The following L3MBTL4 variants were observed in gnomAD, a reference collection of about 807,000 sequenced individuals.
L3MBTL4 encodes the protein L3MBTL histone methyl-lysine binding protein 4.
A neutral mutation model predicts 84.5 loss-of-function variants in L3MBTL4; 70 were observed. The ratio of observed to expected loss-of-function variants is 0.83; its 90% CI spans 0.68 to 1.01. The LOEUF (loss-of-function observed/expected upper bound fraction) is 1.01, where lower values mean the gene tolerates loss of function less well. Among genes scored for constraint, L3MBTL4 ranks in the 50% least tolerant of loss-of-function variants. The pLI, the probability that L3MBTL4 is intolerant of heterozygous loss-of-function variation, is 0.00. For missense variants in L3MBTL4, 715 were observed against 754.8 expected (o/e 0.95, Z 0.62); for synonymous variants, 274 against 259.8 (o/e 1.05, Z -0.52).
chr18:6,032,413 C>T lies in L3MBTL4; in HGVS notation c.1444+48468G>A, dbSNP rs115410820. On this transcript the variant is annotated intron_variant, in intron 16 of 18. Transcript: ENST00000317931. Reference sequence around the variant, plus strand: ...ACACACACACACACACACACACACACACAATCTGCATCAAAATAATACAGG... The same window carrying T: ...ACACACACACACACACACACACACATACAATCTGCATCAAAATAATACAGG... 1,409 of 639,962 alleles carry T rather than the reference C, an allele frequency of 2.2e-3. 16 individuals carry two copies. The African/African-American group carries it at 0.026, about 12-fold the overall frequency. The allele number at this position is 639,962 out of a possible 1,614,324, so 39.6% of individuals were successfully genotyped here.
intron 12 of L3MBTL4, among the ~76,000 whole-genome samples, chr18:6,172,680 G>A (rs2044034318): frequency 6.6e-6 from 1 of 151,660 alleles, no homozygotes; most frequent in Admixed American, 6.6e-5. Flanking sequence ...ACACATATAA[G>A]AATAATTAAA....
intron 14 of L3MBTL4, among the ~76,000 whole-genome samples, chr18:6,118,359 A>G (rs1173816304): frequency 3.3e-5 from 5 of 152,092 alleles, no homozygotes; most frequent in African/African-American, 4.8e-5. Context: ...TTTTCTGGAA[A>G]TTCCTCAACT....
chr18:6,165,525 T>A (rs113990820), intron 13 of L3MBTL4, among the ~76,000 whole-genome samples: 5,526 of 151,616 alleles, frequency 0.036, 347 homozygotes, highest in African/African-American at 0.13. Flanking sequence ...GGGGCCAATA[T>A]TCAACATTCT....
At chr18:6,114,019 C>G (rs536030716) in intron 14 of L3MBTL4, among the ~76,000 whole-genome samples, 16 of 152,340 alleles carry the variant, frequency 1.1e-4, no homozygotes, top group African/African-American at 3.8e-4. Flanking sequence ...TGAGCACCTA[C>G]TTGATGCCAA....
At chr18:5,967,307 G>T (rs2052403263) in intron 17 of L3MBTL4, among the ~76,000 whole-genome samples, 1 of 152,188 alleles carries the variant, frequency 6.6e-6, no homozygotes, top group Admixed American at 6.5e-5. Context: ...TCGTCTCTGG[G>T]TATCTCAACT....
intron 2 of L3MBTL4, 98 bp from the exon 3 acceptor site, chr18:6,311,754 AGTT>A: frequency 1.4e-6 from 1 of 714,366 alleles, no homozygotes. Context: ...TACTTCTCAT[AGTT>A]GGTTACTATA....
chr18:6,031,242 G>A (rs899133744), intron 16 of L3MBTL4: 6 of 985,426 alleles, frequency 6.1e-6, no homozygotes, highest in Non-Finnish European at 7.2e-6. Context: ...GATTTTGTGA[G>A]CTGATATATC....
At chr18:6,232,752 G>A (rs1398368311) in intron 10 of L3MBTL4, among the ~76,000 whole-genome samples, 4 of 151,228 alleles carry the variant, frequency 2.6e-5, no homozygotes, top group African/African-American at 9.7e-5. Context: ...ATTGTTATCA[G>A]AAGAAAAAAA....
At chr18:6,325,711 T>C (rs1227821199) in intron 1 of L3MBTL4, among the ~76,000 whole-genome samples, 2 of 152,214 alleles carry the variant, frequency 1.3e-5, no homozygotes, top group African/African-American at 2.4e-5. Flanking sequence ...GGTGGCTTTA[T>C]AGATATACAT....
At chr18:6,132,519 T>G (rs1183856313) in intron 14 of L3MBTL4, among the ~76,000 whole-genome samples, 1 of 152,200 alleles carries the variant, frequency 6.6e-6, no homozygotes, top group African/African-American at 2.4e-5. Context: ...GCCTGCTGTC[T>G]CCCTAAAAAT....
intron 8 of L3MBTL4, 121 bp downstream of exon 8, chr18:6,241,237 A>G (rs2047436581): frequency 1.5e-6 from 1 of 659,492 alleles, no homozygotes; most frequent in African/African-American, 1.9e-5. Context: ...GAGAAAAGTG[A>G]CAGGAAGTTA....
intron 16 of L3MBTL4, among the ~76,000 whole-genome samples, chr18:6,013,582 C>T (rs149875623): frequency 6.6e-6 from 1 of 152,326 alleles, no homozygotes; most frequent in Non-Finnish European, 1.5e-5. Flanking sequence ...CCAGTGAACG[C>T]CTAAGTTCCT....
At chr18:6,310,460 A>C (rs993597805) in intron 3 of L3MBTL4, among the ~76,000 whole-genome samples, 1 of 152,168 alleles carries the variant, frequency 6.6e-6, no homozygotes, top group African/African-American at 2.4e-5. Flanking sequence ...TCTTGAAACC[A>C]ACCTCAAACC....
At chr18:6,363,168 G>A (rs900147673) in intron 1 of L3MBTL4, among the ~76,000 whole-genome samples, 27 of 152,172 alleles carry the variant, frequency 1.8e-4, no homozygotes, top group Non-Finnish European at 3.8e-4. Flanking sequence ...AAACGGTCAA[G>A]TCTCCGTTTC....
chr18:6,400,005 G>C (rs1293851261), intron 1 of L3MBTL4, among the ~76,000 whole-genome samples: 1 of 152,076 alleles, frequency 6.6e-6, no homozygotes, highest in Non-Finnish European at 1.5e-5. Flanking sequence ...TAAAAAAAAA[G>C]AGGAAGAACT....
intron 16 of L3MBTL4, among the ~76,000 whole-genome samples, chr18:6,049,645 T>A (rs1301873373): frequency 1.3e-5 from 2 of 152,188 alleles, no homozygotes; most frequent in African/African-American, 4.8e-5. Context: ...TGTACGTGGT[T>A]ATAAGTGGGA....
At chr18:6,412,067 G>T (rs565772941) in intron 1 of L3MBTL4, among the ~76,000 whole-genome samples, 76 of 152,208 alleles carry the variant, frequency 5.0e-4, no homozygotes, top group Middle Eastern at 3.4e-3. Context: ...CTGGGGGTTT[G>T]TTGTACAGAT....
chr18:6,047,486 G>C (rs1388463652), intron 16 of L3MBTL4, among the ~76,000 whole-genome samples: 1 of 152,024 alleles, frequency 6.6e-6, no homozygotes, highest in Non-Finnish European at 1.5e-5. Context: ...GATAAATATA[G>C]ACACAAAAAT....
intron 12 of L3MBTL4, among the ~76,000 whole-genome samples, chr18:6,190,079 A>G (rs982720532): frequency 6.6e-6 from 1 of 152,154 alleles, no homozygotes; most frequent in Non-Finnish European, 1.5e-5. Context: ...AAAAAGAAAA[A>G]CTCACCTCAG....
Sources: gnomAD v4.1 joint callset for allele counts (sites outside exome capture counted in the v4.1 genomes callset) on GRCh38, gnomAD v4.1.1 for gene constraint, MANE v1.5 for transcripts, NCBI Gene and HGNC (gene_info 2026-07-23, HGNC 2026-07-21) for gene names.